NLGN4X: variants seen among roughly 807,000 people sequenced by gnomAD.
NLGN4X encodes the protein neuroligin-4, X-linked.
NLGN4X carries 3 observed loss-of-function variants against 40.3 expected under a neutral mutation model. The observed-to-expected ratio is 0.07, with a 90% confidence interval of 0.03 to 0.19. The LOEUF is 0.19. NLGN4X is among the 10% of genes least tolerant of loss of function. The pLI, the probability that NLGN4X is intolerant of heterozygous loss-of-function variation, is 1.00. For missense variants in NLGN4X, 382 were observed against 708.3 expected (o/e 0.54, Z 5.23); for synonymous variants, 270 against 306.8 (o/e 0.88, Z 1.25).
In NLGN4X at chrX:5,951,608, G is replaced by A. The variant is rs751573358; in HGVS notation, c.626-42369C>T. ...AAAATTGCTCACAGTTCTGGAGACC[G>A]GAAGTCCAAGATCAAGGCATGGCAG... On this transcript the variant is annotated intron_variant, in intron 3 of 5. Transcript: ENST00000381095. Among the ~76,000 whole-genome samples the A allele has an allele frequency of 8.1e-5, 9 of 111,298 alleles. No individual in the cohort carries two copies. In the South Asian group the frequency reaches 2.3e-3, roughly 29 times the overall value.
At chrX:5,942,114 T>C (rs1172831773) in intron 3 of NLGN4X, among the ~76,000 whole-genome samples, 1 of 109,303 alleles carries the variant, frequency 9.1e-6, no homozygotes, top group African/African-American at 3.3e-5. Context: ...AAATTAGTCA[T>C]GCGAGGTGAC....
At chrX:5,929,043 GATT>G (rs1202873555) in intron 3 of NLGN4X, among the ~76,000 whole-genome samples, 1 of 109,531 alleles carries the variant, frequency 9.1e-6, no homozygotes, top group Admixed American at 9.7e-5. Context: ...AAAATGCAAT[GATT>G]ATTATTTCCA....
Position 5,890,369 on chromosome X carries a change from A to G in NLGN4X, c.*2448T>C, listed in dbSNP as rs2031096552. 1.8e-5 allele frequency: 4 copies of G among 224,818 alleles called. No homozygotes were observed. In the South Asian group the frequency reaches 2.2e-4, roughly 12 times the overall value. The allele number at this position is 224,818 out of a possible 1,213,427, so 18.5% of individuals were successfully genotyped here. A position where few individuals can be genotyped will look rare whatever the true frequency, so the allele number is the denominator to read the frequency against. ...AATAAGATATCATTTAAGATGTACT[A>G]AAATCACTTTTGATCATAATCCCCT... On this transcript the variant is annotated 3_prime_UTR_variant, in exon 6 of 6. Transcript: ENST00000381095.
chrX:5,999,565 A>AT (rs1453059027), intron 3 of NLGN4X, among the ~76,000 whole-genome samples: 2 of 112,414 alleles, frequency 1.8e-5, no homozygotes, highest in Admixed American at 1.9e-4. Context: ...TGGCTCTCAC[A>AT]AACTAGAATC....
intron 2 of NLGN4X, among the ~76,000 whole-genome samples, chrX:6,121,671 C>T (rs2039427853): frequency 8.9e-6 from 1 of 112,305 alleles, no homozygotes; most frequent in African/African-American, 3.2e-5. Context: ...TTTTCCATGC[C>T]ATCTTTTGAA....
intron 3 of NLGN4X, among the ~76,000 whole-genome samples, chrX:5,920,166 C>A (rs528846627): frequency 8.9e-6 from 1 of 111,804 alleles, no homozygotes; most frequent in African/African-American, 3.3e-5. Flanking sequence ...AAAAGAATTA[C>A]GAGTTGCGAA....
Position 6,027,851 on chromosome X carries a change from C to T in NLGN4X, c.625+1429G>A, listed in dbSNP as rs1292920405. 2.8e-5 allele frequency among the ~76,000 whole-genome samples: 3 copies of T among 106,756 alleles called. 1 individual carries two copies. Among genetic ancestry groups the T allele is most frequent in the Admixed American group, 1.0e-4 (1 of 9,952 alleles). The allele number at this position is 106,756 out of a possible 115,157, so 92.7% of individuals were successfully genotyped here. On this transcript the variant is annotated intron_variant, in intron 3 of 5. Transcript: ENST00000381095. ...TTTTTTTTTTGAGAAAAGTCTCACT[C>T]GGTCACCCAGGCTGGAGTGCAATGG...
At chrX:5,977,636 T>C (rs1293385638) in intron 3 of NLGN4X, among the ~76,000 whole-genome samples, 2 of 111,183 alleles carry the variant, frequency 1.8e-5, no homozygotes, top group African/African-American at 6.5e-5. Context: ...GGGTGTGAAC[T>C]GGGGATGCTA....
chrX:5,979,806 A>ATATATGTGTATATATACACACATACATG (rs2035326170), intron 3 of NLGN4X, among the ~76,000 whole-genome samples: 1 of 102,235 alleles, frequency 9.8e-6, no homozygotes, highest in Non-Finnish European at 1.9e-5. Flanking sequence ...ACACATACAT[A>ATATATGTGTATATATACACACATACATG]TATATGTGTA....
intron 2 of NLGN4X, among the ~76,000 whole-genome samples, chrX:6,146,502 G>A (rs944546715): frequency 4.5e-5 from 5 of 111,111 alleles, no homozygotes; most frequent in Non-Finnish European, 9.4e-5. Flanking sequence ...TGTCCATGTC[G>A]TGTCTGTTTA....
At chrX:6,110,253 G>A (rs760042792) in intron 2 of NLGN4X, among the ~76,000 whole-genome samples, 12 of 111,705 alleles carry the variant, frequency 1.1e-4, no homozygotes, top group Non-Finnish European at 2.1e-4. Flanking sequence ...GTGGGGGCAG[G>A]CTGCTGTCTA....
At chrX:6,176,634 G>A (rs1282630653) in intron 1 of NLGN4X, among the ~76,000 whole-genome samples, 1 of 112,241 alleles carries the variant, frequency 8.9e-6, no homozygotes, top group Non-Finnish European at 1.9e-5. Context: ...GACAGAATGA[G>A]AAGGACTCAA....
chrX:5,914,021 G>A (rs780537395), intron 3 of NLGN4X, among the ~76,000 whole-genome samples: 1 of 112,184 alleles, frequency 8.9e-6, no homozygotes, highest in Non-Finnish European at 1.9e-5. Flanking sequence ...ATGTGGAACT[G>A]TGAGTCCATT....
At chrX:5,995,647 C>G (rs1602027462) in intron 3 of NLGN4X, among the ~76,000 whole-genome samples, 1 of 112,278 alleles carries the variant, frequency 8.9e-6, no homozygotes, top group East Asian at 2.8e-4. Flanking sequence ...ATTTTAGTAG[C>G]CATGACAGAC....
At chrX:5,979,573 T>C (rs993716844) in intron 3 of NLGN4X, among the ~76,000 whole-genome samples, 5 of 110,257 alleles carry the variant, frequency 4.5e-5, no homozygotes, top group African/African-American at 1.3e-4. Flanking sequence ...TGTGGTTTCA[T>C]TTGTGCATTT....
At chrX:6,201,355 G>A (rs1405704717) in intron 1 of NLGN4X, among the ~76,000 whole-genome samples, 3 of 112,189 alleles carry the variant, frequency 2.7e-5, no homozygotes, top group Non-Finnish European at 5.6e-5. Flanking sequence ...GGAGGATGAA[G>A]TATAACACCC....
At position 6,207,540 on chromosome X, in the gene NLGN4X, C is replaced by T. The variant is rs1179643402; in HGVS notation, c.-306+21001G>A. On this transcript the variant is annotated intron_variant, in intron 1 of 5. Coordinates refer to ENST00000381095, the MANE Select transcript of NLGN4X (RefSeq NM_181332.3). ...GTAAAACACTTACGTTTATGAGTGG[C>T]TTAATGAAAATAATATAGATTCCTT... Among the ~76,000 whole-genome samples, 3 of 111,806 alleles carry T rather than the reference C, an allele frequency of 2.7e-5. No individual in the cohort carries two copies. The Admixed American group carries it at 2.9e-4, about 11-fold the overall frequency.
chrX:6,225,689 C>CTTTTTTTTTTTTTTTTTTTTTTTT, intron 1 of NLGN4X, among the ~76,000 whole-genome samples: 449 of 26,907 alleles, frequency 0.017, 109 homozygotes, highest in Middle Eastern at 0.042. Context: ...TTCTTTTTTT[C>CTTTTTTTTTTTTTTTTTTTTTTTT]TTTTTTTTTT....
intron 3 of NLGN4X, among the ~76,000 whole-genome samples, chrX:5,925,879 C>CATATATATATATATATATATACAT (rs2033268045): frequency 2.1e-5 from 1 of 46,822 alleles, no homozygotes; most frequent in Non-Finnish European, 3.9e-5. Flanking sequence ...TATACATACA[C>CATATATATATATATATATATACAT]ACATATATAT....
Sources: gnomAD v4.1 joint callset for allele counts (sites outside exome capture counted in the v4.1 genomes callset) on GRCh38, gnomAD v4.1.1 for gene constraint, MANE v1.5 for transcripts, NCBI Gene and HGNC (gene_info 2026-07-23, HGNC 2026-07-21) for gene names.